Variants in CA10 observed in about 807,000 individuals in gnomAD.
CA10 encodes carbonic anhydrase-related protein 10.
CA10 carries 14 observed loss-of-function variants against 44.2 expected under a neutral mutation model. The observed-to-expected ratio is 0.32, with a 90% confidence interval of 0.21 to 0.50. CA10 has a LOEUF of 0.50. CA10 is among the 20% of genes least tolerant of loss of function. CA10 has a pLI of 0.99. For synonymous variants in CA10, 159 were observed against 141.6 expected (o/e 1.12, Z -0.87); for missense variants, 350 against 409.7 (o/e 0.85, Z 1.26).
At chr17:51,856,306 T>C (rs985016747) in intron 3 of CA10, among the ~76,000 whole-genome samples, 1 of 152,070 alleles carries the variant, frequency 6.6e-6, no homozygotes, top group Non-Finnish European at 1.5e-5. Flanking sequence ...CGATGTTAAT[T>C]CTGGTTATTT....
intron 1 of CA10, among the ~76,000 whole-genome samples, chr17:52,142,855 C>G (rs1299965760): frequency 6.6e-6 from 1 of 152,166 alleles, no homozygotes; most frequent in East Asian, 1.9e-4. Flanking sequence ...TTACCCAAAG[C>G]CAACCAGCTT....
rs145684977 is a variant in CA10, at chr17:51,697,350, A to G, written c.466-43614T>C. Among the ~76,000 whole-genome samples, 750 of 152,310 alleles carry G rather than the reference A, an allele frequency of 4.9e-3. 9 individuals carry two copies. The highest frequency in any genetic ancestry group is 0.017 in the African/African-American group (712 of 41,554). On this transcript the variant is annotated intron_variant, in intron 4 of 8. Transcript: ENST00000451037. ...TTCCAGCTACCTTAGTTTCTTAGTC[A>G]TTCCTCAAATTCACTGGGCAAGTGC... is the stretch of plus-strand genomic sequence containing the variant.
intron 4 of CA10, among the ~76,000 whole-genome samples, chr17:51,689,467 G>T (rs980795019): frequency 9.2e-5 from 14 of 152,264 alleles, no homozygotes; most frequent in Admixed American, 2.0e-4. Context: ...AATATCATTT[G>T]TCATAAATTG....
intron 3 of CA10, among the ~76,000 whole-genome samples, chr17:51,924,358 G>A (rs930859231): frequency 3.3e-5 from 5 of 152,214 alleles, no homozygotes. Context: ...AATGTCTGTG[G>A]AAAGGAGATT....
intron 3 of CA10, among the ~76,000 whole-genome samples, chr17:51,819,637 TA>T (rs1456651280): frequency 6.6e-6 from 1 of 152,308 alleles, no homozygotes; most frequent in East Asian, 1.9e-4. Flanking sequence ...ATTTGCAGCC[TA>T]AAAATAAAGT....
chr17:51,838,033 G>A (rs1331681809), intron 3 of CA10, among the ~76,000 whole-genome samples: 4 of 152,152 alleles, frequency 2.6e-5, no homozygotes, highest in East Asian at 3.8e-4. Context: ...TCTTTCCAAC[G>A]TGTAATTAAT....
chr17:51,958,653 G>A (rs1983757560), intron 2 of CA10, among the ~76,000 whole-genome samples: 2 of 152,070 alleles, frequency 1.3e-5, no homozygotes, highest in African/African-American at 4.8e-5. Context: ...CTTTTCTCTA[G>A]ATAATTTACA....
At chr17:51,767,549 A>G (rs1187243870) in intron 3 of CA10, among the ~76,000 whole-genome samples, 1 of 152,134 alleles carries the variant, frequency 6.6e-6, no homozygotes, top group Admixed American at 6.5e-5. Flanking sequence ...TTTTGGCATC[A>G]GGGACTGGTT....
At chr17:51,789,159 G>A (rs1021066231) in intron 3 of CA10, among the ~76,000 whole-genome samples, 4 of 152,024 alleles carry the variant, frequency 2.6e-5, no homozygotes, top group Admixed American at 6.6e-5. Flanking sequence ...GGAACTACAA[G>A]CGTGCGCCAC....
At chr17:51,966,351 A>T (rs1984080645) in intron 2 of CA10, among the ~76,000 whole-genome samples, 1 of 152,010 alleles carries the variant, frequency 6.6e-6, no homozygotes. Flanking sequence ...AGAACCAGAA[A>T]AAACAATTCT....
chr17:51,975,114 C>A (rs75536319), intron 2 of CA10, among the ~76,000 whole-genome samples: 1 of 151,080 alleles, frequency 6.6e-6, no homozygotes. Flanking sequence ...TAAATAGTAA[C>A]CTAAAAAGGC....
chr17:51,773,917 C>T (rs2143662024), intron 3 of CA10, among the ~76,000 whole-genome samples: 1 of 152,254 alleles, frequency 6.6e-6, no homozygotes, highest in South Asian at 2.1e-4. Context: ...TGGTTTCTGC[C>T]TGAGCATATT....
chr17:52,060,860 C>A (rs1987364635), intron 2 of CA10, among the ~76,000 whole-genome samples: 1 of 152,070 alleles, frequency 6.6e-6, no homozygotes, highest in Non-Finnish European at 1.5e-5. Flanking sequence ...TCTACGTTGA[C>A]CTGCATTGGA....
chr17:52,130,212 AAATT>A (rs567883501), intron 1 of CA10, among the ~76,000 whole-genome samples: 133 of 152,322 alleles, frequency 8.7e-4, no homozygotes, highest in Non-Finnish European at 1.4e-3. Flanking sequence ...GTGAGAATGC[AAATT>A]AATACAGCCA....
intron 2 of CA10, among the ~76,000 whole-genome samples, chr17:52,001,419 AG>A (rs1336948449): frequency 3.3e-5 from 5 of 152,028 alleles, no homozygotes; most frequent in African/African-American, 1.2e-4. Context: ...AGATCTTGGA[AG>A]ATAGAGGAGT....
intron 4 of CA10, among the ~76,000 whole-genome samples, chr17:51,656,011 G>A (rs929111402): frequency 2.0e-5 from 3 of 152,160 alleles, no homozygotes; most frequent in African/African-American, 7.2e-5. Context: ...GTGGAGAAAT[G>A]TTGCCAGGTG....
chr17:52,117,877 C>T (rs995056078), intron 1 of CA10, among the ~76,000 whole-genome samples: 2 of 152,142 alleles, frequency 1.3e-5, no homozygotes, highest in Non-Finnish European at 2.9e-5. Flanking sequence ...GGTTTAAACA[C>T]ATTGTGGAAG....
chr17:51,652,025 T>C (rs1913589356), intron 5 of CA10, among the ~76,000 whole-genome samples: 1 of 151,828 alleles, frequency 6.6e-6, no homozygotes, highest in African/African-American at 2.4e-5. Flanking sequence ...TTGTGGGGAG[T>C]GTGGGAAGAA....
intron 2 of CA10, among the ~76,000 whole-genome samples, chr17:52,023,716 A>G (rs572369918): frequency 6.6e-6 from 1 of 152,152 alleles, no homozygotes; most frequent in East Asian, 1.9e-4. Flanking sequence ...AAACTTGCAA[A>G]GTATGCATGC....
Sources: gnomAD v4.1 joint callset for allele counts (sites outside exome capture counted in the v4.1 genomes callset) on GRCh38, gnomAD v4.1.1 for gene constraint, MANE v1.5 for transcripts, NCBI Gene and HGNC (gene_info 2026-07-23, HGNC 2026-07-21) for gene names.